SS18: variants seen among roughly 807,000 people sequenced by gnomAD.
SS18 encodes SS18 subunit of BAF chromatin remodeling complex, also known as protein SSXT.
Under a neutral mutation model 72.5 loss-of-function variants are expected in SS18, and 28 were observed. That is an observed-to-expected ratio of 0.39 (90% CI 0.29 to 0.53). The LOEUF (loss-of-function observed/expected upper bound fraction) is 0.53, where lower values mean the gene tolerates loss of function less well. Among genes scored for constraint, SS18 ranks in the 20% least tolerant of loss-of-function variants. SS18 has a pLI of 0.76. For synonymous variants in SS18, 172 were observed against 164.2 expected (o/e 1.05, Z -0.37); for missense variants, 518 against 535.3 (o/e 0.97, Z 0.32).
At chr18:26,039,498 T>C in intron 5 of SS18, 42 bp from the exon 6 acceptor site, 1 of 1,520,194 alleles carries the variant, frequency 6.6e-7, no homozygotes, top group South Asian at 1.3e-5. Flanking sequence ...TTTTTGTATA[T>C]AACTTTAACA....
rs1334237269 is a variant in SS18, at chr18:26,080,120, T to C, written c.147-1960A>G. 3.3e-5 allele frequency among the ~76,000 whole-genome samples: 5 copies of C among 152,184 alleles called. No homozygotes were observed. In the East Asian group the frequency reaches 9.6e-4, roughly 29 times the overall value. ...CTAAATGGACAAAGTAATAATTATA[T>C]TGTACTAAATTATACATAATGGTTA... On this transcript the variant is annotated intron_variant, in intron 2 of 10. Coordinates refer to ENST00000415083, the MANE Select transcript of SS18 (RefSeq NM_001007559.3).
At chr18:26,023,476 G>A (rs951884896) in intron 10 of SS18, 18 of 369,942 alleles carry the variant, frequency 4.9e-5, no homozygotes, top group Non-Finnish European at 8.6e-5. Flanking sequence ...ATTTGATAAA[G>A]GGAAAATCTT....
intron 3 of SS18, among the ~76,000 whole-genome samples, chr18:26,069,464 T>C (rs779563861): frequency 6.7e-6 from 1 of 149,446 alleles, no homozygotes; most frequent in Non-Finnish European, 1.5e-5. Flanking sequence ...CCTAAGAAGC[T>C]TTTGAAATAC....
intron 5 of SS18, among the ~76,000 whole-genome samples, chr18:26,042,374 T>C (rs8088281): frequency 3.2e-4 from 48 of 152,288 alleles, no homozygotes; most frequent in African/African-American, 1.2e-3. Context: ...AGCGTGATAA[T>C]ACATATGCAA....
intron 5 of SS18, among the ~76,000 whole-genome samples, chr18:26,050,517 A>G (rs1311664611): frequency 6.6e-6 from 1 of 152,178 alleles, no homozygotes; most frequent in Non-Finnish European, 1.5e-5. Flanking sequence ...AAAACTCACC[A>G]TGAACTTCTT....
intron 5 of SS18, among the ~76,000 whole-genome samples, chr18:26,051,874 T>C (rs2053930337): frequency 6.6e-6 from 1 of 152,214 alleles, no homozygotes. Context: ...ACTAACTTCT[T>C]TTATCTGGGT....
chr18:26,061,969 G>C (rs976383595), intron 3 of SS18, among the ~76,000 whole-genome samples: 2 of 152,086 alleles, frequency 1.3e-5, no homozygotes, highest in African/African-American at 4.8e-5. Context: ...ACACACAAAA[G>C]ACTAGGTTAG....
intron 1 of SS18, 137 bp downstream of exon 1, chr18:26,090,364 T>G (rs2054700830): frequency 1.2e-6 from 1 of 818,628 alleles, no homozygotes; most frequent in African/African-American, 1.7e-5. Context: ...CAGCAGTCCG[T>G]GTTCCCAAAC....
At chr18:26,061,686 C>T (rs545635566) in intron 3 of SS18, among the ~76,000 whole-genome samples, 13 of 151,704 alleles carry the variant, frequency 8.6e-5, no homozygotes, top group Middle Eastern at 3.4e-3. Context: ...AACCAACCAG[C>T]CCAGAATTCC....
At chr18:26,082,710 T>C (rs1009054921) in intron 2 of SS18, among the ~76,000 whole-genome samples, 3 of 152,210 alleles carry the variant, frequency 2.0e-5, no homozygotes, top group East Asian at 1.9e-4. Context: ...AGTGTAATAT[T>C]TGAATTTGTG....
In SS18 at chr18:26,017,193, G is replaced by C. The variant is rs1252931877; in HGVS notation, c.*1161C>G. On this transcript the variant is annotated 3_prime_UTR_variant, in exon 11 of 11. Coordinates refer to ENST00000415083, the MANE Select transcript of SS18 (RefSeq NM_001007559.3). Reference sequence around the variant, plus strand: ...ATGCAACCTCGGTGCTTTAAAAACAGATAGAATAAACCTCATCAATAAGCA... The same window carrying C: ...ATGCAACCTCGGTGCTTTAAAAACACATAGAATAAACCTCATCAATAAGCA... 1 of 204,498 alleles carries C rather than the reference G, an allele frequency of 4.9e-6. No homozygotes were observed. Among genetic ancestry groups the C allele is most frequent in the Non-Finnish European group, 1.0e-5 (1 of 100,054 alleles). The allele number at this position is 204,498 out of a possible 1,614,324, so 12.7% of individuals were successfully genotyped here. A position where few individuals can be genotyped will look rare whatever the true frequency, so the allele number is the denominator to read the frequency against.
rs1568036848 is a variant in SS18 at position 26,087,546 on chromosome 18, C to A, written c.101G>T (p.Cys34Phe). 6.3e-7 allele frequency: 1 copy of A among 1,598,474 alleles called. No individual in the cohort carries two copies. The highest frequency in any genetic ancestry group is 8.5e-7 in the Non-Finnish European group (1 of 1,169,642). Reference sequence around the variant, plus strand: ...TCCTTTATTCTGAGAGTCCATTATACACTGAATAAGATGGTTATTGTCATC... The same window carrying A: ...TCCTTTATTCTGAGAGTCCATTATAAACTGAATAAGATGGTTATTGTCATC... ...MLDDNNHLIQCIMDSQNKGKT... is the reference protein window; with the variant it reads ...MLDDNNHLIQFIMDSQNKGKT... The change falls in exon 2 of 11, where the codon TGT becomes TTT. Residue 34 changes from cysteine (C) to phenylalanine (F), a missense_variant. Transcript: ENST00000415083.
intron 4 of SS18, among the ~76,000 whole-genome samples, chr18:26,054,061 T>TAATAG (rs1159956649): frequency 6.6e-6 from 1 of 152,216 alleles, no homozygotes; most frequent in Non-Finnish European, 1.5e-5. Flanking sequence ...ACATAACCTA[T>TAATAG]GTACATCCTC....
Position 26,039,472 on chromosome 18 carries a change from A to G in SS18, c.608-16T>C. On this transcript the variant is annotated splice_polypyrimidine_tract_variant and intron_variant, in intron 5 of 10. Coordinates refer to ENST00000415083, the MANE Select transcript of SS18 (RefSeq NM_001007559.3). The stretch of plus-strand genomic sequence containing the variant: ...ATCATTGGACCTGAAACAAGACACA[A>G]CATTATACACATAATTTTTTGTATA... The G allele has an allele frequency of 6.3e-7, 1 of 1,576,394 alleles. No individual in the cohort carries two copies.
chr18:26,082,697 A>T (rs993521897), intron 2 of SS18, among the ~76,000 whole-genome samples: 3 of 152,224 alleles, frequency 2.0e-5, no homozygotes, highest in Admixed American at 2.0e-4. Flanking sequence ...CCACTGACTC[A>T]TGAGTGTAAT....
upstream of SS18, chr18:26,090,801 T>C: frequency 1.7e-6 from 1 of 581,978 alleles, no homozygotes; most frequent in East Asian, 3.0e-5. Flanking sequence ...TTCTTGACCG[T>C]CCCTGCATCC....
intron 6 of SS18, among the ~76,000 whole-genome samples, 176 bp downstream of exon 6, chr18:26,039,113 G>T (rs1391397539): frequency 1.7e-5 from 2 of 118,712 alleles, no homozygotes; most frequent in Non-Finnish European, 3.3e-5. Flanking sequence ...TAACAGATAA[G>T]AAGTTCCTAT....
rs2053260601 is a variant in SS18, at chr18:26,016,937, A to T, written c.*1417T>A. ...GTTAGACGTGGGAAAAACCAATTCA[A>T]TTATAAAGAATACATCTTATTCCCT... is the stretch of plus-strand genomic sequence containing the variant. On this transcript the variant is annotated 3_prime_UTR_variant, in exon 11 of 11. Transcript: ENST00000415083. 4.5e-6 allele frequency: 1 copy of T among 224,642 alleles called. No individual in the cohort carries two copies. Among genetic ancestry groups the T allele is most frequent in the Non-Finnish European group, 8.9e-6 (1 of 112,564 alleles). The allele number at this position is 224,642 out of a possible 1,614,324, so 13.9% of individuals were successfully genotyped here. A position where few individuals can be genotyped will look rare whatever the true frequency, so the allele number is the denominator to read the frequency against.
intron 3 of SS18, among the ~76,000 whole-genome samples, chr18:26,068,738 CA>C (rs985182117): frequency 2.0e-5 from 3 of 151,388 alleles, no homozygotes; most frequent in African/African-American, 4.9e-5. Flanking sequence ...ATGATGTTAC[CA>C]AAAAAAATGC....
Sources: allele counts gnomAD v4.1 joint callset (sites outside exome capture counted in the v4.1 genomes callset), GRCh38; gene constraint gnomAD v4.1.1; transcripts MANE v1.5; gene names NCBI Gene and HGNC (gene_info 2026-07-23, HGNC 2026-07-21).